The following TMEM132D variants were observed in gnomAD, a reference collection of about 807,000 sequenced individuals.
The protein encoded by TMEM132D is mature OL transmembrane protein.
A neutral mutation model predicts 62.3 loss-of-function variants in TMEM132D; 21 were observed. That is an observed-to-expected ratio of 0.34 (90% CI 0.24 to 0.49). TMEM132D has a LOEUF of 0.49. Ranked by LOEUF, TMEM132D falls within the 20% of genes least tolerant of loss-of-function variation. The pLI, the probability that TMEM132D is intolerant of heterozygous loss-of-function variation, is 0.99. For synonymous variants in TMEM132D, 621 were observed against 575.6 expected, an observed-to-expected ratio of 1.08 and a Z score of -1.13; for missense variants, 1,346 against 1,402.8, an observed-to-expected ratio of 0.96 and a Z score of 0.65.
In TMEM132D at chr12:129,669,713, AAAAT is replaced by A. The variant is rs577335656; in HGVS notation, c.968+30093_968+30096del. ...GAGCAAGACTCCATCTCAAGAAATA[AAAAT>A]AAATAAATAAATAAATAAATAAACA... On this transcript the variant is annotated intron_variant, in intron 2 of 8. Coordinates refer to ENST00000422113, the MANE Select transcript of TMEM132D (RefSeq NM_133448.3). 8.7e-5 allele frequency among the ~76,000 whole-genome samples: 13 copies of A among 149,844 alleles called. 1 individual carries two copies. The highest frequency in any genetic ancestry group is 2.4e-4 in the African/African-American group (10 of 40,978).
chr12:129,814,143 G>A (rs11833455), intron 1 of TMEM132D, among the ~76,000 whole-genome samples: 2,579 of 152,192 alleles, frequency 0.017, 62 homozygotes, highest in African/African-American at 0.059. Context: ...ATATGTGGGA[G>A]CTAAAAGAGT....
chr12:129,381,487 A>G (rs1870948676), intron 3 of TMEM132D, among the ~76,000 whole-genome samples: 3 of 152,168 alleles, frequency 2.0e-5, no homozygotes, highest in Admixed American at 6.5e-5. Flanking sequence ...CTAAAGAAAC[A>G]CTTCCAGAGA....
chr12:129,474,125 A>T (rs1213300764), intron 3 of TMEM132D, among the ~76,000 whole-genome samples: 2 of 152,208 alleles, frequency 1.3e-5, no homozygotes, highest in Non-Finnish European at 2.9e-5. Context: ...ATTCAGGTCA[A>T]TGAGCAACAC....
At chr12:129,745,053 C>T (rs4759598) in intron 1 of TMEM132D, among the ~76,000 whole-genome samples, 46,738 of 152,006 alleles carry the variant, frequency 0.31, 7,927 homozygotes, top group Non-Finnish European at 0.39. Context: ...TGCTCTCTCG[C>T]TGTCCTGCTA....
At chr12:129,477,840 A>G (rs1053807519) in intron 3 of TMEM132D, among the ~76,000 whole-genome samples, 2 of 152,100 alleles carry the variant, frequency 1.3e-5, no homozygotes, top group African/African-American at 4.8e-5. Flanking sequence ...ATAAAATAAA[A>G]TAGACACATA....
chr12:129,341,308 T>C (rs1279657007), intron 3 of TMEM132D, among the ~76,000 whole-genome samples: 3 of 152,234 alleles, frequency 2.0e-5, no homozygotes, highest in African/African-American at 4.8e-5. Context: ...ATCTGATGTA[T>C]TGTAGGAGAT....
chr12:129,778,040 AG>A (rs1185870414), intron 1 of TMEM132D, among the ~76,000 whole-genome samples: 1 of 147,270 alleles, frequency 6.8e-6, no homozygotes, highest in Non-Finnish European at 1.5e-5. Flanking sequence ...ACTTGAACCC[AG>A]GAGGTCAAGG....
intron 4 of TMEM132D, among the ~76,000 whole-genome samples, chr12:129,225,272 G>A (rs1393435269): frequency 6.6e-6 from 1 of 152,196 alleles, no homozygotes; most frequent in African/African-American, 2.4e-5. Context: ...CGTCATCCAC[G>A]CTGCCTGACT....
chr12:129,326,499 A>G lies in TMEM132D; in HGVS notation c.1299+11135T>C, dbSNP rs184100754. Among the ~76,000 whole-genome samples the G allele has an allele frequency of 2.6e-5, 4 of 152,362 alleles. No individual in the cohort carries two copies. The East Asian group carries it at 7.7e-4, about 29-fold the overall frequency. ...CTGCTTTGTGACACATGAAAATTAT[A>G]TGAAATTAAAGTTTCAGCTCTCACA... On this transcript the variant is annotated intron_variant, in intron 4 of 8. Coordinates refer to ENST00000422113, the MANE Select transcript of TMEM132D (RefSeq NM_133448.3).
intron 5 of TMEM132D, among the ~76,000 whole-genome samples, chr12:129,137,855 A>G (rs1294306608): frequency 6.6e-6 from 1 of 152,050 alleles, no homozygotes; most frequent in Non-Finnish European, 1.5e-5. Flanking sequence ...AGCAGCCACA[A>G]TAGCCCTGGA....
chr12:129,175,599 T>C (rs753309389), intron 5 of TMEM132D, among the ~76,000 whole-genome samples: 1 of 152,068 alleles, frequency 6.6e-6, no homozygotes, highest in Non-Finnish European at 1.5e-5. Context: ...TCCAAGCTAC[T>C]TGGGAGGCTG....
rs867596093 is a variant in TMEM132D at position 129,899,929 on chromosome 12, G to A, written c.79+3332C>T. ...TTCTTTCCTCTCCCAAAAAGTTCCT[G>A]ACCCCTAAAGAAGTTATCACTGTAC... On this transcript the variant is annotated intron_variant, in intron 1 of 8. Transcript: ENST00000422113. 7.7e-3 allele frequency among the ~76,000 whole-genome samples: 1,174 copies of A among 152,136 alleles called. 18 individuals carry two copies. Among genetic ancestry groups the A allele is most frequent in the African/African-American group, 0.027 (1,131 of 41,478 alleles).
chr12:129,183,594 T>C (rs1220021679), intron 5 of TMEM132D, among the ~76,000 whole-genome samples: 1 of 152,228 alleles, frequency 6.6e-6, no homozygotes, highest in Non-Finnish European at 1.5e-5. Context: ...ACTTGTTTTG[T>C]TTTTTAACAT....
Position 129,510,327 on chromosome 12 carries a change from T to C in TMEM132D, c.1115+20732A>G, listed in dbSNP as rs1388511987. On this transcript the variant is annotated intron_variant, in intron 3 of 8. Transcript: ENST00000422113. ...ATCAGATTATTAGATTTTTTCCCTA[T>C]AGAGTTGTTAGAGCTCCTTATATAT... 2.6e-5 allele frequency among the ~76,000 whole-genome samples: 4 copies of C among 152,188 alleles called. No individual in the cohort carries two copies. In the East Asian group the frequency reaches 7.7e-4, roughly 29 times the overall value.
At chr12:129,524,927 C>CTTTTTTTT (rs372985812) in intron 3 of TMEM132D, among the ~76,000 whole-genome samples, 2 of 85,950 alleles carry the variant, frequency 2.3e-5, no homozygotes, top group African/African-American at 8.4e-5. Flanking sequence ...TTTCTTTTTT[C>CTTTTTTTT]TTTTTTTTTT....
At chr12:129,457,684 G>A (rs1873520796) in intron 3 of TMEM132D, among the ~76,000 whole-genome samples, 1 of 152,098 alleles carries the variant, frequency 6.6e-6, no homozygotes, top group Non-Finnish European at 1.5e-5. Context: ...TTACAATCAT[G>A]TCGGAAGGGC....
intron 5 of TMEM132D, among the ~76,000 whole-genome samples, chr12:129,195,454 T>C (rs1192648741): frequency 6.6e-6 from 1 of 151,842 alleles, no homozygotes; most frequent in African/African-American, 2.4e-5. Context: ...AATAATGTGA[T>C]GTGGCCCATA....
intron 1 of TMEM132D, among the ~76,000 whole-genome samples, chr12:129,845,257 C>A (rs1204721994): frequency 1.3e-5 from 2 of 152,192 alleles, no homozygotes; most frequent in African/African-American, 4.8e-5. Flanking sequence ...CAAAACAACA[C>A]TTCCCTATAA....
chr12:129,783,326 C>T (rs1871171808), intron 1 of TMEM132D, among the ~76,000 whole-genome samples: 1 of 152,176 alleles, frequency 6.6e-6, no homozygotes, highest in African/African-American at 2.4e-5. Flanking sequence ...TGGAAACACA[C>T]TAGAAAAAGT....
Sources: gnomAD v4.1 joint callset for allele counts (sites outside exome capture counted in the v4.1 genomes callset) on GRCh38, gnomAD v4.1.1 for gene constraint, MANE v1.5 for transcripts, NCBI Gene and HGNC (gene_info 2026-07-23, HGNC 2026-07-21) for gene names.